GRIP1: variants seen among roughly 807,000 people sequenced by gnomAD.
GRIP1 encodes the protein glutamate receptor-interacting protein 1.
GRIP1 carries 45 observed loss-of-function variants against 129.9 expected under a neutral mutation model. The ratio of observed to expected loss-of-function variants is 0.35; its 90% CI spans 0.27 to 0.44. The LOEUF (loss-of-function observed/expected upper bound fraction) is 0.44, where lower values mean the gene tolerates loss of function less well. Ranked by LOEUF, GRIP1 falls within the 20% of genes least tolerant of loss-of-function variation. The pLI, the probability that GRIP1 is intolerant of heterozygous loss-of-function variation, is 1.00. For missense variants in GRIP1, 1,196 were observed against 1,396.8 expected, an observed-to-expected ratio of 0.86 and a Z score of 2.29; for synonymous variants, 530 against 520.8, an observed-to-expected ratio of 1.02 and a Z score of -0.24.
intron 1 of GRIP1, among the ~76,000 whole-genome samples, chr12:66,777,125 C>T (rs1315794566): frequency 6.6e-6 from 1 of 152,184 alleles, no homozygotes; most frequent in African/African-American, 2.4e-5. Flanking sequence ...GACCTTCTTA[C>T]ACTCAGAGTG....
chr12:66,595,037 G>A (rs778467929), intron 2 of GRIP1, among the ~76,000 whole-genome samples: 11 of 152,110 alleles, frequency 7.2e-5, no homozygotes, highest in Non-Finnish European at 1.6e-4. Flanking sequence ...CCTCTGGCTG[G>A]TGCAATCTTT....
In GRIP1 at chr12:66,406,391, T is replaced by C. The variant is rs2057191060; in HGVS notation, c.1876A>G (p.Ile626Val). 5 of 1,614,024 alleles carry C rather than the reference T, an allele frequency of 3.1e-6. No homozygotes were observed. The highest frequency in any genetic ancestry group is 1.3e-5 in the African/African-American group (1 of 74,932). Reference protein sequence around the residue: ...TLELGDKLLAIDNIRLDNCSM... With the variant: ...TLELGDKLLAVDNIRLDNCSM... ...CAGTTGTCCAGCCGGATATTATCTA[T>C]TGCGAGCAATTTATCCCCAAGTTCC... The change falls in exon 16 of 25, where the codon ATA (isoleucine) becomes GTA (valine). Residue 626 changes from isoleucine (I) to valine (V), a missense_variant. Coordinates refer to ENST00000359742, the MANE Select transcript of GRIP1 (RefSeq NM_001366722.1).
At chr12:66,521,254 G>A (rs912327123) in intron 5 of GRIP1, among the ~76,000 whole-genome samples, 31 of 152,210 alleles carry the variant, frequency 2.0e-4, no homozygotes, top group African/African-American at 7.2e-4. Flanking sequence ...GTTGACATGT[G>A]CTTAATAAAC....
chr12:66,856,827 G>C (rs940956135), intron 1 of GRIP1, among the ~76,000 whole-genome samples: 2 of 151,862 alleles, frequency 1.3e-5, no homozygotes, highest in Non-Finnish European at 2.9e-5. Context: ...ATTCCTCAGG[G>C]ATCTAGAACT....
chr12:66,713,298 T>C (rs2035768111), intron 1 of GRIP1, among the ~76,000 whole-genome samples: 2 of 152,030 alleles, frequency 1.3e-5, no homozygotes, highest in Admixed American at 6.6e-5. Flanking sequence ...AGTGATTTTC[T>C]TCCTCAACAT....
chr12:66,390,694 A>G (rs1039690901), intron 19 of GRIP1, among the ~76,000 whole-genome samples: 4 of 152,214 alleles, frequency 2.6e-5, no homozygotes, highest in Non-Finnish European at 5.9e-5. Flanking sequence ...ATATCTCTAC[A>G]TTAATAAGCA....
At chr12:66,890,158 G>C (rs1057487347) in intron 1 of GRIP1, among the ~76,000 whole-genome samples, 1 of 151,942 alleles carries the variant, frequency 6.6e-6, no homozygotes, top group Non-Finnish European at 1.5e-5. Flanking sequence ...AGAACCCCTG[G>C]GCTCAAGCAA....
At chr12:66,612,669 T>A (rs563892449) in intron 1 of GRIP1, among the ~76,000 whole-genome samples, 78 of 151,808 alleles carry the variant, frequency 5.1e-4, no homozygotes, top group Middle Eastern at 3.4e-3. Context: ...ATAAAAAAAA[T>A]TTAAATATCT....
intron 1 of GRIP1, among the ~76,000 whole-genome samples, chr12:66,738,102 C>G (rs531101472): frequency 2.0e-5 from 3 of 152,212 alleles, no homozygotes; most frequent in Non-Finnish European, 2.9e-5. Context: ...TGTTGAAGGA[C>G]TGGGAAGAAG....
chr12:66,841,898 C>T (rs1338674130), intron 1 of GRIP1, among the ~76,000 whole-genome samples: 1 of 152,120 alleles, frequency 6.6e-6, no homozygotes, highest in Non-Finnish European at 1.5e-5. Flanking sequence ...CTTAAAGACA[C>T]ACATAATAAA....
intron 13 of GRIP1, among the ~76,000 whole-genome samples, chr12:66,434,754 T>C (rs752123822): frequency 3.3e-5 from 5 of 152,222 alleles, no homozygotes; most frequent in South Asian, 2.1e-4. Context: ...GTTTAAGAAT[T>C]TGGAATTAGC....
intron 1 of GRIP1, among the ~76,000 whole-genome samples, chr12:66,649,783 G>C (rs1006688524): frequency 6.6e-6 from 1 of 152,198 alleles, no homozygotes; most frequent in Non-Finnish European, 1.5e-5. Context: ...CGATATGTCA[G>C]GAAGAAGAAA....
At chr12:66,794,394 G>C (rs1324943954) in intron 1 of GRIP1, among the ~76,000 whole-genome samples, 1 of 152,152 alleles carries the variant, frequency 6.6e-6, no homozygotes, top group Non-Finnish European at 1.5e-5. Flanking sequence ...CTCACAAAAG[G>C]ACACTGTATG....
intron 1 of GRIP1, among the ~76,000 whole-genome samples, chr12:66,791,381 G>T (rs533434554): frequency 6.6e-6 from 1 of 152,198 alleles, no homozygotes; most frequent in African/African-American, 2.4e-5. Context: ...AAAGAGAGTG[G>T]CTGGAGATAA....
intron 1 of GRIP1, among the ~76,000 whole-genome samples, chr12:66,803,212 T>C (rs142628954): frequency 2.6e-5 from 4 of 152,358 alleles, no homozygotes; most frequent in South Asian, 4.1e-4. Flanking sequence ...AAGATCCTTA[T>C]TGAAGAAGAC....
At chr12:66,979,521 T>G (rs1041978999) in intron 1 of GRIP1, among the ~76,000 whole-genome samples, 2 of 151,948 alleles carry the variant, frequency 1.3e-5, no homozygotes, top group Non-Finnish European at 2.9e-5. Flanking sequence ...CTCAGGGTTT[T>G]GTTGTTGTTG....
At chr12:66,639,699 C>T (rs1435028538) in intron 1 of GRIP1, among the ~76,000 whole-genome samples, 1 of 152,162 alleles carries the variant, frequency 6.6e-6, no homozygotes, top group Non-Finnish European at 1.5e-5. Flanking sequence ...TTTGAATCTT[C>T]TAGTTAAAAG....
intron 1 of GRIP1, among the ~76,000 whole-genome samples, chr12:66,760,612 G>A (rs759743638): frequency 3.6e-4 from 55 of 152,152 alleles, no homozygotes; most frequent in Non-Finnish European, 4.0e-4. Flanking sequence ...ACCTTCCTGT[G>A]GGTTCCTCCC....
chr12:66,775,751 A>T (rs568936803), intron 1 of GRIP1, among the ~76,000 whole-genome samples: 1 of 152,190 alleles, frequency 6.6e-6, no homozygotes, highest in African/African-American at 2.4e-5. Flanking sequence ...GCAGAGAAAA[A>T]ACAACTGCTC....
Sources: allele counts gnomAD v4.1 joint callset (sites outside exome capture counted in the v4.1 genomes callset), GRCh38; gene constraint gnomAD v4.1.1; transcripts MANE v1.5; gene names NCBI Gene and HGNC (gene_info 2026-07-23, HGNC 2026-07-21).